The following NELL1 variants were observed in gnomAD, a reference collection of about 807,000 sequenced individuals.
The protein encoded by NELL1 is neural EGFL like 1, also known as protein kinase C-binding protein NELL1.
Under a neutral mutation model 107.4 loss-of-function variants are expected in NELL1, and 76 were observed. The ratio of observed to expected loss-of-function variants is 0.71; its 90% CI spans 0.59 to 0.86. The LOEUF is 0.86. NELL1 is among the 40% of genes least tolerant of loss of function. NELL1 has a pLI of 0.00. For missense variants in NELL1, 1,024 were observed against 1,005.5 expected (o/e 1.02, Z -0.25); for synonymous variants, 353 against 341.2 (o/e 1.03, Z -0.38).
chr11:20,711,679 A>AT (rs35121576), intron 2 of NELL1, among the ~76,000 whole-genome samples: 3 of 151,510 alleles, frequency 2.0e-5, no homozygotes, highest in South Asian at 4.2e-4. Flanking sequence ...GCTGATAATT[A>AT]TTTTTTTTCA....
At chr11:20,978,612 G>C (rs2134240811) in intron 12 of NELL1, among the ~76,000 whole-genome samples, 1 of 152,242 alleles carries the variant, frequency 6.6e-6, no homozygotes, top group South Asian at 2.1e-4. Context: ...TAAGGAATTA[G>C]TCTCCCATAG....
intron 12 of NELL1, among the ~76,000 whole-genome samples, chr11:21,020,987 G>A (rs1272194829): frequency 6.8e-6 from 1 of 147,416 alleles, no homozygotes; most frequent in African/African-American, 2.5e-5. Context: ...GGAGGGGCCA[G>A]CTGATAGAGC....
At chr11:20,868,621 C>T (rs1376767967) in intron 4 of NELL1, among the ~76,000 whole-genome samples, 1 of 151,700 alleles carries the variant, frequency 6.6e-6, no homozygotes, top group Non-Finnish European at 1.5e-5. Flanking sequence ...GTGAATTGTA[C>T]ATGAATTATA....
chr11:21,309,109 T>A (rs961388148), intron 14 of NELL1, among the ~76,000 whole-genome samples: 9 of 151,382 alleles, frequency 5.9e-5, no homozygotes, highest in Non-Finnish European at 1.0e-4. Context: ...ATTGTCCCTA[T>A]TTTATTAAAG....
intron 2 of NELL1, among the ~76,000 whole-genome samples, chr11:20,747,404 A>C (rs1425993396): frequency 6.6e-6 from 1 of 152,170 alleles, no homozygotes; most frequent in Non-Finnish European, 1.5e-5. Context: ...TCAGTTTGGC[A>C]CCCTTTCATT....
At chr11:21,421,816 T>C (rs912177859) in intron 15 of NELL1, among the ~76,000 whole-genome samples, 2 of 152,154 alleles carry the variant, frequency 1.3e-5, no homozygotes, top group Non-Finnish European at 2.9e-5. Context: ...CTAAGTAAGA[T>C]GACCTGACAT....
intron 14 of NELL1, among the ~76,000 whole-genome samples, chr11:21,367,683 C>T (rs1208994500): frequency 6.6e-6 from 1 of 152,036 alleles, no homozygotes; most frequent in African/African-American, 2.4e-5. Flanking sequence ...ACATTGGTAA[C>T]TTAATTTAAT....
At chr11:21,314,934 G>A (rs1849842599) in intron 14 of NELL1, among the ~76,000 whole-genome samples, 2 of 151,822 alleles carry the variant, frequency 1.3e-5, no homozygotes, top group Non-Finnish European at 2.9e-5. Flanking sequence ...TCAGCTCACT[G>A]CAACCTCCAC....
At chr11:20,865,288 C>A (rs1430132446) in intron 4 of NELL1, among the ~76,000 whole-genome samples, 2 of 152,256 alleles carry the variant, frequency 1.3e-5, no homozygotes, top group South Asian at 2.1e-4. Context: ...TGCTAAACAC[C>A]ACATGAAAAA....
At chr11:21,000,064 T>G (rs765348152) in intron 12 of NELL1, among the ~76,000 whole-genome samples, 5 of 152,028 alleles carry the variant, frequency 3.3e-5, no homozygotes, top group African/African-American at 1.2e-4. Flanking sequence ...ATAAATGGAG[T>G]TGAACAAAAG....
chr11:21,223,906 A>G (rs572981489), intron 13 of NELL1, among the ~76,000 whole-genome samples: 1 of 152,292 alleles, frequency 6.6e-6, no homozygotes, highest in South Asian at 2.1e-4. Context: ...TTGTTTCTCC[A>G]TCATTTCTGA....
intron 13 of NELL1, among the ~76,000 whole-genome samples, chr11:21,157,668 T>A (rs1856273223): frequency 6.6e-6 from 1 of 152,168 alleles, no homozygotes; most frequent in Non-Finnish European, 1.5e-5. Context: ...TTTTTCTTCT[T>A]TGAGAAGCAA....
intron 12 of NELL1, among the ~76,000 whole-genome samples, chr11:20,986,952 G>A (rs529440715): frequency 7.5e-4 from 114 of 152,170 alleles, no homozygotes; most frequent in African/African-American, 2.2e-3. Flanking sequence ...CATAATATTT[G>A]TTATTATTTA....
intron 13 of NELL1, among the ~76,000 whole-genome samples, chr11:21,148,118 A>G (rs1216998518): frequency 6.6e-6 from 1 of 152,164 alleles, no homozygotes; most frequent in Non-Finnish European, 1.5e-5. Flanking sequence ...AAAGAGCTTG[A>G]CAGCATCTCT....
intron 15 of NELL1, among the ~76,000 whole-genome samples, chr11:21,389,759 T>C (rs1165356543): frequency 1.3e-5 from 2 of 151,830 alleles, no homozygotes; most frequent in East Asian, 3.9e-4. Flanking sequence ...TGTAATTTGT[T>C]ATTTCTCACT....
Position 21,139,717 on chromosome 11 carries a change from C to T in NELL1, c.1426+26003C>T, listed in dbSNP as rs550953547. Among the ~76,000 whole-genome samples, 4 of 152,264 alleles carry T rather than the reference C, an allele frequency of 2.6e-5. No individual in the cohort carries two copies. In the South Asian group the frequency reaches 8.3e-4, roughly 32 times the overall value. On this transcript the variant is annotated intron_variant, in intron 13 of 19. Transcript: ENST00000357134. The stretch of plus-strand genomic sequence containing the variant: ...TCAGTAAATATGACCAGCAAATATT[C>T]AATGTCCTGGGTACTGTGGTAGATG...
intron 13 of NELL1, among the ~76,000 whole-genome samples, chr11:21,138,502 T>C (rs565544744): frequency 2.0e-5 from 3 of 152,302 alleles, no homozygotes; most frequent in Admixed American, 6.5e-5. Context: ...AAATATTGTT[T>C]TGGGTGCAGA....
chr11:21,240,418 C>T (rs1439894583), intron 14 of NELL1, among the ~76,000 whole-genome samples: 1 of 151,828 alleles, frequency 6.6e-6, no homozygotes, highest in Admixed American at 6.6e-5. Flanking sequence ...CAATTTAGTT[C>T]TAAGAGAAGG....
chr11:20,900,504 G>C (rs1222270671), intron 5 of NELL1, among the ~76,000 whole-genome samples: 2 of 152,054 alleles, frequency 1.3e-5, no homozygotes, highest in Non-Finnish European at 2.9e-5. Context: ...TAACCACGAG[G>C]CTCACACAGT....
Sources: gnomAD v4.1 joint callset for allele counts (sites outside exome capture counted in the v4.1 genomes callset) on GRCh38, gnomAD v4.1.1 for gene constraint, MANE v1.5 for transcripts, NCBI Gene and HGNC (gene_info 2026-07-23, HGNC 2026-07-21) for gene names.